The following P2RY8 variants were observed in gnomAD, a reference collection of about 807,000 sequenced individuals.
The protein encoded by P2RY8 is P2Y receptor family member 8, also known as S-geranylgeranyl-glutathione receptor P2RY8.
In P2RY8, 6 loss-of-function variants were observed where a neutral mutation model predicts 10.0. The observed-to-expected ratio is 0.60, with a 90% CI of 0.33 to 1.19. The LOEUF (loss-of-function observed/expected upper bound fraction) is 1.19. Among genes scored for constraint, P2RY8 ranks in the 50% most tolerant of loss-of-function variants. The probability of loss-of-function intolerance (pLI) is 0.04; values close to 1 mark genes in which losing one functional copy is unlikely to be tolerated. For missense variants in P2RY8, 456 were observed against 542.0 expected, an observed-to-expected ratio of 0.84 and a Z score of 1.58; for synonymous variants, 276 against 252.5, an observed-to-expected ratio of 1.09 and a Z score of -0.88.
At chrX:1,523,456 T>C (rs2092407476) in intron 1 of P2RY8, among the ~76,000 whole-genome samples, 1 of 152,186 alleles carries the variant, frequency 6.6e-6, no homozygotes, top group East Asian at 1.9e-4. Context: ...GGTTCATCCA[T>C]ATTGTAGCGG....
At chrX:1,532,959 C>T (rs1219295501) in intron 1 of P2RY8, among the ~76,000 whole-genome samples, 110 of 131,480 alleles carry the variant, frequency 8.4e-4, no homozygotes, top group Admixed American at 2.4e-3. Flanking sequence ...GCCGAGATCG[C>T]GCCACTGCTC....
At chrX:1,532,388 A>G (rs1362423056) in intron 1 of P2RY8, among the ~76,000 whole-genome samples, 2 of 149,854 alleles carry the variant, frequency 1.3e-5, no homozygotes, top group Admixed American at 6.7e-5. Flanking sequence ...ATGTGTGTAT[A>G]TGCACATATA....
chrX:1,523,078 AAAAT>A (rs527900056), intron 1 of P2RY8, among the ~76,000 whole-genome samples: 1,715 of 134,828 alleles, frequency 0.013, 33 homozygotes, highest in African/African-American at 0.04. Flanking sequence ...CCCACTGCCA[AAAAT>A]AAATAAATAA....
Position 1,537,172 on chromosome X carries a change from G to A in P2RY8, c.-276C>T, listed in dbSNP as rs778474022. ...CGCTGGGTGGCCCACCGGCTGGCAC[G>A]ACTGTCTCCGAATGCAAATTCTGCA... On this transcript the variant is annotated 5_prime_UTR_variant, in exon 1 of 2. Transcript: ENST00000381297. 3 of 232,578 alleles carry A rather than the reference G, an allele frequency of 1.3e-5. No homozygotes were observed. Among genetic ancestry groups the A allele is most frequent in the Non-Finnish European group, 2.5e-5 (3 of 117,738 alleles). 14.4% of individuals were successfully genotyped at this position (232,578 alleles called of 1,614,324 possible).
chrX:1,506,690 T>C (rs182054097), intron 1 of P2RY8, among the ~76,000 whole-genome samples: 3,549 of 151,840 alleles, frequency 0.023, 127 homozygotes, highest in African/African-American at 0.078. Context: ...TTCTTTTTTT[T>C]TTTTTGAGAT....
chrX:1,526,401 T>C (rs2092440502), intron 1 of P2RY8, among the ~76,000 whole-genome samples: 1 of 151,550 alleles, frequency 6.6e-6, no homozygotes, highest in Non-Finnish European at 1.5e-5. Context: ...ACTCACCCAT[T>C]CATTTATTCA....
intron 1 of P2RY8, among the ~76,000 whole-genome samples, chrX:1,526,048 A>C (rs1190588123): frequency 6.6e-6 from 1 of 152,000 alleles, no homozygotes; most frequent in Non-Finnish European, 1.5e-5. Context: ...CCGCTCATCC[A>C]TCCATCTATT....
intron 1 of P2RY8, among the ~76,000 whole-genome samples, chrX:1,534,714 G>A (rs1242415764): frequency 6.6e-6 from 1 of 152,116 alleles, no homozygotes; most frequent in South Asian, 2.1e-4. Context: ...ACGAGAGGGG[G>A]CCATCTGCCC....
intron 1 of P2RY8, among the ~76,000 whole-genome samples, chrX:1,498,203 A>C (rs193160128): frequency 6.6e-6 from 1 of 151,792 alleles, no homozygotes; most frequent in East Asian, 2.0e-4. Context: ...TCAGGAGATC[A>C]AGACCATCCT....
rs1362893930 is a variant in P2RY8, at chrX:1,466,291, C to T, written c.268G>A (p.Val90Ile). Residue 90 changes from valine to isoleucine, a missense_variant, in exon 2 of 2, where the codon GTA becomes ATA. Val to Ile is a conservative substitution (Grantham distance 29). Coordinates refer to ENST00000381297, the MANE Select transcript of P2RY8 (RefSeq NM_178129.5). ...ACGTTGCAAAGCAGCACCCCGAATA[C>T]CCAGTGGTGGCGGTTGCAATGGTAG... The part of the protein sequence containing the change: ...IYYHCNRHHW[V>I]FGVLLCNVVT... The T allele has an allele frequency of 1.9e-6, 3 of 1,613,876 alleles. 1 individual carries two copies. Among genetic ancestry groups the T allele is most frequent in the Non-Finnish European group, 1.7e-6 (2 of 1,179,858 alleles).
intron 1 of P2RY8, among the ~76,000 whole-genome samples, chrX:1,508,877 C>A (rs1183481233): frequency 1.6e-5 from 2 of 122,892 alleles, no homozygotes; most frequent in African/African-American, 6.7e-5. Flanking sequence ...ATCCATCCAT[C>A]CATCTATTCT....
intron 1 of P2RY8, among the ~76,000 whole-genome samples, chrX:1,471,978 C>A (rs2091792933): frequency 6.6e-6 from 1 of 152,086 alleles, no homozygotes; most frequent in Non-Finnish European, 1.5e-5. Context: ...GTGTTTGCAC[C>A]ACCCAGTTTG....
intron 1 of P2RY8, among the ~76,000 whole-genome samples, chrX:1,526,044 A>G (rs1401959170): frequency 6.6e-6 from 1 of 151,902 alleles, no homozygotes; most frequent in East Asian, 1.9e-4. Context: ...CCAGCCGCTC[A>G]TCCATCCATC....
In P2RY8 at chrX:1,484,510, AG is replaced by A. The variant is rs752285550; in HGVS notation, c.-24-17929del. 3.4e-3 allele frequency among the ~76,000 whole-genome samples: 518 copies of A among 151,790 alleles called. 5 individuals carry two copies. Among genetic ancestry groups the A allele is most frequent in the Non-Finnish European group, 2.3e-3 (157 of 67,900 alleles). ...GGGAGGCTGAGGCGGGCGGATCATG[AG>A]GTCGGAAGTTCGAGACCAGCCTGGT... On this transcript the variant is annotated intron_variant, in intron 1 of 1. Transcript: ENST00000381297.
intron 1 of P2RY8, among the ~76,000 whole-genome samples, chrX:1,524,387 A>ATCCCTCCC (rs2092414940): frequency 8.2e-6 from 1 of 121,224 alleles, no homozygotes; most frequent in African/African-American, 3.0e-5. Flanking sequence ...CCATCCATCC[A>ATCCCTCCC]TCCATCCCTC....
At chrX:1,470,171 C>A (rs191372186) in intron 1 of P2RY8, among the ~76,000 whole-genome samples, 60 of 151,062 alleles carry the variant, frequency 4.0e-4, no homozygotes, top group African/African-American at 1.4e-3. Flanking sequence ...CCAGCCTGGC[C>A]AACATGGTGA....
chrX:1,503,283 C>T (rs1171121750), intron 1 of P2RY8, among the ~76,000 whole-genome samples: 4 of 152,148 alleles, frequency 2.6e-5, no homozygotes, highest in Non-Finnish European at 5.9e-5. Context: ...TTCTGGCCCC[C>T]GGAACTGTAA....
chrX:1,471,143 G>C (rs1477175007), intron 1 of P2RY8, among the ~76,000 whole-genome samples: 2 of 151,724 alleles, frequency 1.3e-5, no homozygotes, highest in Admixed American at 6.6e-5. Flanking sequence ...GAGTAGCTGG[G>C]ACTACAGGCA....
intron 1 of P2RY8, among the ~76,000 whole-genome samples, chrX:1,491,257 C>G (rs1392297767): frequency 6.6e-6 from 1 of 152,126 alleles, no homozygotes; most frequent in African/African-American, 2.4e-5. Context: ...CCCAGATTCA[C>G]TTCTGCAAAT....
Sources: gnomAD v4.1 joint callset for allele counts (sites outside exome capture counted in the v4.1 genomes callset) on GRCh38, gnomAD v4.1.1 for gene constraint, MANE v1.5 for transcripts, NCBI Gene and HGNC (gene_info 2026-07-23, HGNC 2026-07-21) for gene names.